Variants in CRNKL1 observed in about 807,000 individuals in gnomAD.
The protein encoded by CRNKL1 is crooked neck-like protein 1.
In CRNKL1, 35 loss-of-function variants were observed where a neutral mutation model predicts 103.7. The observed-to-expected ratio is 0.34, with a 90% confidence interval of 0.26 to 0.45. The LOEUF is 0.45. CRNKL1 is among the 20% of genes least tolerant of loss of function. The pLI, the probability that CRNKL1 is intolerant of heterozygous loss-of-function variation, is 1.00. For missense variants in CRNKL1, 645 were observed against 836.0 expected, an observed-to-expected ratio of 0.77 and a Z score of 2.82; for synonymous variants, 267 against 282.6, an observed-to-expected ratio of 0.94 and a Z score of 0.55.
rs1568758960 is a variant in CRNKL1, at chr20:20,041,600, T to A, written c.1190A>T (p.Tyr397Phe). Residue 397 changes from tyrosine (Y) to phenylalanine (F), a missense_variant, in exon 9 of 14, where the codon TAT becomes TTT. Tyr to Phe is a conservative substitution (Grantham distance 22). This residue lies in a region of CRNKL1 where 582 missense variants were observed against 707.7 expected (regional missense o/e 0.82). Transcript: ENST00000536226. Reference sequence around the variant, plus strand: ...AGGAATTAGTTCCAAAGAGGCTTGATACACCTGTCTTGTCCTCTCAGGATC... The same window carrying A: ...AGGAATTAGTTCCAAAGAGGCTTGAAACACCTGTCTTGTCCTCTCAGGATC... ...AKDPERTRQV[Y>F]QASLELIPHK... 6.2e-7 allele frequency: 1 copy of A among 1,613,698 alleles called. No individual in the cohort carries two copies. Among genetic ancestry groups the A allele is most frequent in the Non-Finnish European group, 8.5e-7 (1 of 1,179,646 alleles).
intron 9 of CRNKL1, 45 bp from the exon 10 acceptor site, chr20:20,040,811 CA>C (rs1251473308): frequency 7.8e-7 from 1 of 1,287,708 alleles, no homozygotes; most frequent in East Asian, 2.3e-5. Flanking sequence ...AAGCCTCATC[CA>C]AATTAAATTG....
intron 7 of CRNKL1, among the ~76,000 whole-genome samples, chr20:20,043,205 G>A (rs1412249142): frequency 6.6e-6 from 1 of 152,108 alleles, no homozygotes; most frequent in African/African-American, 2.4e-5. Context: ...CAATGAGCTC[G>A]AATGGATTCC....
At chr20:20,051,202 G>C (rs1403486496) in intron 1 of CRNKL1, among the ~76,000 whole-genome samples, 3 of 152,146 alleles carry the variant, frequency 2.0e-5, no homozygotes, top group Non-Finnish European at 4.4e-5. Context: ...AATTGAGGTG[G>C]ACTGTAAGTG....
intron 1 of CRNKL1, among the ~76,000 whole-genome samples, chr20:20,050,917 T>A (rs1243065572): frequency 6.6e-6 from 1 of 152,238 alleles, no homozygotes; most frequent in Non-Finnish European, 1.5e-5. Context: ...TGAGGCCGTC[T>A]AGGTAAAATT....
intron 2 of CRNKL1, among the ~76,000 whole-genome samples, chr20:20,049,871 G>A (rs2043658290): frequency 1.3e-5 from 2 of 151,214 alleles, no homozygotes; most frequent in African/African-American, 4.9e-5. Flanking sequence ...AGGCTGGAGT[G>A]CAGTGGCACG....
chr20:20,039,953 A>G (rs772734377), intron 10 of CRNKL1, 105 bp from the exon 11 acceptor site: 1 of 1,167,034 alleles, frequency 8.6e-7, no homozygotes, highest in Non-Finnish European at 1.2e-6. Context: ...GAATCTTGCA[A>G]AGTCAACATG....
chr20:20,037,374 T>C lies in CRNKL1; in HGVS notation c.1845A>G (p.Lys615=), dbSNP rs753165458. 13 of 1,614,024 alleles carry C rather than the reference T, an allele frequency of 8.1e-6. No individual in the cohort carries two copies. The highest frequency in any genetic ancestry group is 5.5e-5 in the South Asian group (5 of 91,084). Residue 615 remains lysine (K), a synonymous_variant, in exon 13 of 14, where the codon AAA becomes AAG. Transcript: ENST00000536226. ...TCTTCTTGACTTTCTCTGGCATGAG[T>C]TTGTCTACTCTCTCCTTATCTGAAG... is the stretch of plus-strand genomic sequence containing the variant. ...GTASDKERVD[K]LMPEKVKKRR...
rs1050642150 is a variant in CRNKL1 at position 20,040,151 on chromosome 20, C to A, written c.1306-303G>T. Among the ~76,000 whole-genome samples the A allele has an allele frequency of 5.9e-5, 9 of 152,022 alleles. No individual in the cohort carries two copies. In the South Asian group the frequency reaches 6.2e-4, roughly 11 times the overall value. ...AGGGATGTCAAATGCATAAAACCTC[C>A]TATAAATAAAAAGGACAAGGCATGG... On this transcript the variant is annotated intron_variant, in intron 10 of 13. Transcript: ENST00000536226.
chr20:20,052,363 G>C lies in CRNKL1; in HGVS notation c.-21C>G, dbSNP rs1190402785. 1.2e-6 allele frequency: 2 copies of C among 1,614,008 alleles called. No homozygotes were observed. Among genetic ancestry groups the C allele is most frequent in the Admixed American group, 3.3e-5 (2 of 60,008 alleles). On this transcript the variant is annotated 5_prime_UTR_variant, in exon 1 of 14. Coordinates refer to ENST00000536226, the MANE Select transcript of CRNKL1 (RefSeq NM_001278628.2). ...GCCATGTCTGCAGCAGTCGACCTCT[G>C]GACACCTGTCCCCGGCACGGACGCT...
At chr20:20,043,823 G>GCTT (rs2043553773) in intron 6 of CRNKL1, among the ~76,000 whole-genome samples, 161 bp from the exon 7 acceptor site, 1 of 152,018 alleles carries the variant, frequency 6.6e-6, no homozygotes, top group Non-Finnish European at 1.5e-5. Context: ...GGTTATCTCT[G>GCTT]TCAGGATGGA....
chr20:20,052,238 G>A (rs2146510687), intron 1 of CRNKL1, 54 bp downstream of exon 1: 1 of 1,491,444 alleles, frequency 6.7e-7, no homozygotes, highest in Admixed American at 1.8e-5. Context: ...CCTCAGGGCT[G>A]AGGGATGCCC....
At chr20:20,043,807 G>T (rs1600248290) in intron 6 of CRNKL1, 145 bp from the exon 7 acceptor site, 1 of 719,068 alleles carries the variant, frequency 1.4e-6, no homozygotes, top group Non-Finnish European at 2.2e-6. Flanking sequence ...TCTCCCTCTT[G>T]TTGAAGGTTA....
intron 7 of CRNKL1, among the ~76,000 whole-genome samples, chr20:20,043,143 A>C (rs2043541912): frequency 6.6e-6 from 1 of 152,194 alleles, no homozygotes; most frequent in Admixed American, 6.5e-5. Flanking sequence ...CTCAAAGGTG[A>C]TGTGCAAAAC....
rs540451402 is a variant in CRNKL1, at chr20:20,041,617, C to T, written c.1173G>A (p.Glu391=). The T allele has an allele frequency of 5.6e-6, 9 of 1,612,480 alleles. No individual in the cohort carries two copies. In the African/African-American group the frequency reaches 1.2e-4, roughly 21 times the overall value. ...LYEELEAKDP[E]RTRQVYQASL... is the part of the protein sequence containing the mutation. ...AGGCTTGATACACCTGTCTTGTCCT[C>T]TCAGGATCCTGTATTAGGATAAGAA... is the stretch of plus-strand genomic sequence containing the variant. Residue 391 remains glutamate, a synonymous_variant, in exon 9 of 14, where the codon GAG becomes GAA. Transcript: ENST00000536226.
At chr20:20,052,863 T>TAG, upstream of CRNKL1, 2 of 770,628 alleles carry the variant, frequency 2.6e-6, no homozygotes, top group Non-Finnish European at 4.1e-6. Context: ...CATTGCATTC[T>TAG]AGTAGTCTCT....
In CRNKL1 at chr20:20,037,437, C is replaced by T. The variant is rs2043438767; in HGVS notation, c.1782G>A (p.Leu594=). 1.2e-6 allele frequency: 2 copies of T among 1,614,144 alleles called. No homozygotes were observed. Among genetic ancestry groups the T allele is most frequent in the Non-Finnish European group, 1.7e-6 (2 of 1,180,040 alleles). The change falls in exon 13 of 14, where the codon CTG becomes CTA. Residue 594 remains leucine, a synonymous_variant. Transcript: ENST00000536226. ...CEEKEERLML[L]ESWRSFEEEF... ...CTTCTTCAAAACTTCGCCAAGATTC[C>T]AGCAGCATAAGTCTCTCTTCCTTTT...
At chr20:20,049,520 G>T (rs889410210) in intron 2 of CRNKL1, 89 bp from the exon 3 acceptor site, 2 of 664,214 alleles carry the variant, frequency 3.0e-6, no homozygotes, top group African/African-American at 1.8e-5. Flanking sequence ...TACTAAAATG[G>T]TTATTCATTT....
intron 8 of CRNKL1, among the ~76,000 whole-genome samples, chr20:20,041,878 A>G (rs890881736): frequency 1.3e-5 from 2 of 152,276 alleles, no homozygotes; most frequent in African/African-American, 4.8e-5. Context: ...GCCTGATGGC[A>G]GAAAGAAACA....
chr20:20,050,478 T>C lies in CRNKL1; in HGVS notation c.196A>G (p.Lys66Glu). 6.2e-7 allele frequency: 1 copy of C among 1,613,286 alleles called. No homozygotes were observed. Among genetic ancestry groups the C allele is most frequent in the South Asian group, 1.1e-5 (1 of 90,970 alleles). ...ATACCACACTGACTGACCTTCCTTT[T>C]CCTTAGTTTATAATCATTTAATTCT... ...EEELNDYKLR[K>E]RKTFEDNIRK... The change falls in exon 2 of 14, where the codon AAA (lysine) becomes GAA (glutamate). Residue 66 changes from lysine to glutamate, a missense_variant. Transcript: ENST00000536226.
Sources: allele counts gnomAD v4.1 joint callset (sites outside exome capture counted in the v4.1 genomes callset), GRCh38; gene constraint gnomAD v4.1.1; regional missense constraint gnomAD v4.1.1; transcripts MANE v1.5; gene names NCBI Gene and HGNC (gene_info 2026-07-23, HGNC 2026-07-21).